PRKCQ: variants seen among roughly 807,000 people sequenced by gnomAD.
The protein encoded by PRKCQ is protein kinase C theta, also known as protein kinase C theta type.
In PRKCQ, 41 loss-of-function variants were observed where a neutral mutation model predicts 91.2. The observed-to-expected ratio is 0.45, with a 90% confidence interval of 0.35 to 0.58. The LOEUF is 0.58. Among genes scored for constraint, PRKCQ ranks in the 20% least tolerant of loss-of-function variants. The pLI, the probability that PRKCQ is intolerant of heterozygous loss-of-function variation, is 0.00. For synonymous variants in PRKCQ, 307 were observed against 316.9 expected (o/e 0.97, Z 0.33); for missense variants, 673 against 896.5 (o/e 0.75, Z 3.18).
intron 14 of PRKCQ, among the ~76,000 whole-genome samples, chr10:6,459,766 G>A (rs1208205724): frequency 2.6e-5 from 4 of 152,200 alleles, no homozygotes; most frequent in African/African-American, 4.8e-5. Context: ...CTGGTAAATC[G>A]AGGGCTTGGT....
chr10:6,496,146 G>A (rs565486970), intron 7 of PRKCQ, among the ~76,000 whole-genome samples: 19 of 148,674 alleles, frequency 1.3e-4, no homozygotes, highest in South Asian at 1.3e-3. Flanking sequence ...ATCCTGGAAG[G>A]TGGAAGTTGC....
rs761316536 is a variant in PRKCQ, at chr10:6,506,371, T to G, written c.379+1065A>C. Among the ~76,000 whole-genome samples, 19 of 152,326 alleles carry G rather than the reference T, an allele frequency of 1.2e-4. No individual in the cohort carries two copies. In the South Asian group the frequency reaches 1.4e-3, roughly 12 times the overall value. ...CCTGTCCATCCTACACCCCATACCA[T>G]TGGATTATTTTGAAGCAAAACTATG... On this transcript the variant is annotated intron_variant, in intron 4 of 17. Transcript: ENST00000263125.
At chr10:6,484,309 G>C (rs1216683707) in intron 10 of PRKCQ, among the ~76,000 whole-genome samples, 3 of 152,174 alleles carry the variant, frequency 2.0e-5, no homozygotes, top group African/African-American at 7.2e-5. Flanking sequence ...AGGTACTCGG[G>C]AAGCTGAGGC....
downstream of PRKCQ, among the ~76,000 whole-genome samples, chr10:6,423,820 G>A (rs1833059143): frequency 6.6e-6 from 1 of 152,182 alleles, no homozygotes; most frequent in Admixed American, 6.5e-5. Context: ...GAGAGGACCT[G>A]ATACCTAAGT....
At chr10:6,395,054 G>GT in the PRKCQ span, among the ~76,000 whole-genome samples, 42 of 129,950 alleles carry the variant, frequency 3.2e-4, no homozygotes, top group Admixed American at 4.6e-4. Flanking sequence ...GGAAGCTGGA[G>GT]TCTTTTTTTT....
the PRKCQ span, among the ~76,000 whole-genome samples, chr10:6,397,426 T>C: frequency 6.6e-6 from 1 of 152,180 alleles, no homozygotes; most frequent in African/African-American, 2.4e-5. Flanking sequence ...ATTTTTGTCA[T>C]CATATTGTAG....
chr10:6,463,871 G>C (rs1835489966), intron 13 of PRKCQ, among the ~76,000 whole-genome samples: 1 of 152,142 alleles, frequency 6.6e-6, no homozygotes, highest in Non-Finnish European at 1.5e-5. Context: ...GCCGGCACTA[G>C]GAAGGAGAAG....
At chr10:6,442,587 T>G (rs1237386445) in intron 15 of PRKCQ, among the ~76,000 whole-genome samples, 1 of 152,184 alleles carries the variant, frequency 6.6e-6, no homozygotes, top group Non-Finnish European at 1.5e-5. Flanking sequence ...GGCTGTTCAG[T>G]TCAGGGGGCA....
rs560036219 is a variant in PRKCQ at position 6,525,003 on chromosome 10, C to T, written c.-9-9859G>A. On this transcript the variant is annotated intron_variant, in intron 1 of 17. Transcript: ENST00000263125. ...GCTTTTAGCCCACATTACAGCTGAACTACCAGGCATGTGCTAGGTGACTGT... is the reference window on the plus strand; with the variant it reads ...GCTTTTAGCCCACATTACAGCTGAATTACCAGGCATGTGCTAGGTGACTGT... Among the ~76,000 whole-genome samples, 23 of 152,346 alleles carry T rather than the reference C, an allele frequency of 1.5e-4. No individual in the cohort carries two copies. The South Asian group carries it at 4.6e-3, about 30-fold the overall frequency.
At chr10:6,488,387 CTTTTT>C (rs71391841) in intron 8 of PRKCQ, among the ~76,000 whole-genome samples, 2 of 140,682 alleles carry the variant, frequency 1.4e-5, no homozygotes. Context: ...ATAACTATTA[CTTTTT>C]TTTTTTTTTT....
At chr10:6,401,766 T>C in the PRKCQ span, among the ~76,000 whole-genome samples, 1 of 152,164 alleles carries the variant, frequency 6.6e-6, no homozygotes, top group Non-Finnish European at 1.5e-5. Context: ...TAATTCTACA[T>C]GGCTCTGCAA....
At chr10:6,517,758 T>C (rs992064481) in intron 1 of PRKCQ, among the ~76,000 whole-genome samples, 6 of 152,112 alleles carry the variant, frequency 3.9e-5, no homozygotes, top group Admixed American at 3.9e-4. Flanking sequence ...AGTAAAGACC[T>C]ACCCAGGGAA....
chr10:6,576,045 CACAAA>C lies in PRKCQ; in HGVS notation c.-10+4161_-10+4165del, dbSNP rs1437141587. Among the ~76,000 whole-genome samples, 1 of 152,030 alleles carries C rather than the reference CACAAA, an allele frequency of 6.6e-6. No individual in the cohort carries two copies. ...CACAGCGAGACTCCATCTCAAAAAA[CACAAA>C]ACAAAAGACAGCGTTGCTGAGAATG... On this transcript the variant is annotated intron_variant, in intron 1 of 17. Transcript: ENST00000263125. This position sits in a 1 kb window ranked among gnomAD's most constrained non-coding sequence, Gnocchi z 4.2.
intron 7 of PRKCQ, among the ~76,000 whole-genome samples, chr10:6,496,724 G>C (rs1022953117): frequency 6.6e-6 from 1 of 151,668 alleles, no homozygotes; most frequent in African/African-American, 2.4e-5. Flanking sequence ...GCCCAGACTG[G>C]AGTGCGGTGG....
chr10:6,456,613 G>C, intron 15 of PRKCQ, 61 bp downstream of exon 15: 1 of 1,576,254 alleles, frequency 6.3e-7, no homozygotes, highest in Non-Finnish European at 8.6e-7. Context: ...AGGGGCTAAA[G>C]AAGCAATGGC....
chr10:6,485,693 C>T (rs957764650), intron 9 of PRKCQ, among the ~76,000 whole-genome samples: 1 of 152,170 alleles, frequency 6.6e-6, no homozygotes, highest in African/African-American at 2.4e-5. Flanking sequence ...GAGGATGATG[C>T]TAGCACATAA....
the PRKCQ span, among the ~76,000 whole-genome samples, chr10:6,397,783 G>A: frequency 6.6e-6 from 1 of 152,136 alleles, no homozygotes; most frequent in Admixed American, 6.5e-5. Context: ...AAATTAGGCG[G>A]GCACAGCAGT....
chr10:6,429,605 CAATCACAGGG>C (rs1226143414), intron 17 of PRKCQ, among the ~76,000 whole-genome samples: 2 of 152,178 alleles, frequency 1.3e-5, no homozygotes, highest in Non-Finnish European at 2.9e-5. Flanking sequence ...TCTATCCAGG[CAATCACAGGG>C]AATGGTTAAG....
intron 15 of PRKCQ, among the ~76,000 whole-genome samples, chr10:6,450,615 C>A (rs1834611180): frequency 6.6e-6 from 1 of 152,196 alleles, no homozygotes; most frequent in Non-Finnish European, 1.5e-5. Context: ...CACCCCAAAG[C>A]AACAGAATAT....
Sources: allele counts gnomAD v4.1 joint callset (sites outside exome capture counted in the v4.1 genomes callset), GRCh38; gene constraint gnomAD v4.1.1; non-coding constraint Gnocchi (gnomAD v3.1); transcripts MANE v1.5; gene names NCBI Gene and HGNC (gene_info 2026-07-23, HGNC 2026-07-21).